The following MICAL3 variants were observed in gnomAD, a reference collection of about 807,000 sequenced individuals.
MICAL3 encodes microtubule associated monooxygenase, calponin and LIM domain containing 3, also known as [F-actin]-monooxygenase MICAL3.
In MICAL3, 62 loss-of-function variants were observed where a neutral mutation model predicts 207.4. That is an observed-to-expected ratio of 0.30 (90% CI 0.24 to 0.37). The LOEUF is 0.37. Among genes scored for constraint, MICAL3 ranks in the 10% least tolerant of loss-of-function variants. The probability of loss-of-function intolerance (pLI) is 1.00; values close to 1 mark genes in which losing one functional copy is unlikely to be tolerated. For synonymous variants in MICAL3, 1,077 were observed against 1,069.3 expected, an observed-to-expected ratio of 1.01 and a Z score of -0.14; for missense variants, 2,368 against 2,635.6, an observed-to-expected ratio of 0.90 and a Z score of 2.22.
At chr22:17,892,218 C>T (rs893785409) in intron 11 of MICAL3, among the ~76,000 whole-genome samples, 2 of 152,202 alleles carry the variant, frequency 1.3e-5, no homozygotes, top group Admixed American at 6.5e-5. Flanking sequence ...CAGAGCTTGG[C>T]ACCTTGTACT....
chr22:17,917,386 G>A (rs139074374), intron 1 of MICAL3, among the ~76,000 whole-genome samples: 254 of 152,136 alleles, frequency 1.7e-3, no homozygotes, highest in African/African-American at 5.5e-3. Flanking sequence ...CCTTGCCCCC[G>A]TCTGCATTTC....
intron 1 of MICAL3, among the ~76,000 whole-genome samples, chr22:17,929,781 T>C (rs574856893): frequency 6.6e-6 from 1 of 152,308 alleles, no homozygotes; most frequent in South Asian, 2.1e-4. Context: ...ATGCCCAGGC[T>C]GGTCTCGAAC....
chr22:17,877,357 TTATGGAGGTTAG>T (rs1928811453), intron 16 of MICAL3, among the ~76,000 whole-genome samples: 4 of 110,176 alleles, frequency 3.6e-5, no homozygotes, highest in Admixed American at 9.0e-5. Flanking sequence ...GTTAGGGAGG[TTATGGAGGTTAG>T]GGAGGTGAGG....
At chr22:17,864,569 G>A (rs1291277286) in intron 19 of MICAL3, 8 of 1,465,754 alleles carry the variant, frequency 5.5e-6, no homozygotes, top group Non-Finnish European at 7.2e-6. Flanking sequence ...ACCTACACAG[G>A]ACCTGGGCCG....
Position 17,886,009 on chromosome 22 carries a change from C to A in MICAL3, c.2110G>T (p.Val704Leu). ...RGHRGERPTL[V>L]STLTDRRMDV... is the part of the protein sequence containing the mutation. ...ATCCTCCTGTCTGTCAGAGTGCTCA[C>A]CAGGGTCGGTCTTTCTCCTCTGTGG... Residue 704 changes from valine (V) to leucine (L), a missense_variant, in exon 16 of 32, where the codon GTG (valine) becomes TTG (leucine). Val to Leu is a conservative substitution (Grantham distance 32). This residue lies in a region of MICAL3 where 1,770 missense variants were observed against 1,863.2 expected (regional missense o/e 0.95). Transcript: ENST00000441493. 1 of 1,614,068 alleles carries A rather than the reference C, an allele frequency of 6.2e-7. No homozygotes were observed. The highest frequency in any genetic ancestry group is 8.5e-7 in the Non-Finnish European group (1 of 1,179,916).
At chr22:17,979,880 G>A (rs576053933) in intron 1 of MICAL3, among the ~76,000 whole-genome samples, 29 of 152,176 alleles carry the variant, frequency 1.9e-4, no homozygotes, top group African/African-American at 6.5e-4. Flanking sequence ...ACCTAGGCCG[G>A]AGTACAGCAC....
At chr22:17,851,232 G>A (rs79149055) in intron 19 of MICAL3, among the ~76,000 whole-genome samples, 148 of 152,328 alleles carry the variant, frequency 9.7e-4, no homozygotes, top group African/African-American at 3.6e-3. Flanking sequence ...CAAGTAATCT[G>A]TCAAGTCAAT....
chr22:17,797,119 T>A (rs1381501090), intron 29 of MICAL3, among the ~76,000 whole-genome samples: 1 of 152,160 alleles, frequency 6.6e-6, no homozygotes, highest in Non-Finnish European at 1.5e-5. Flanking sequence ...CCTACCTTAG[T>A]CCTTCTGGTA....
At chr22:17,829,289 C>T (rs1271634754) in intron 21 of MICAL3, among the ~76,000 whole-genome samples, 2 of 152,094 alleles carry the variant, frequency 1.3e-5, no homozygotes, top group East Asian at 1.9e-4. Flanking sequence ...GCCTCAGCCT[C>T]CCAAGTAGCT....
chr22:17,951,484 G>A (rs372008381), intron 1 of MICAL3, among the ~76,000 whole-genome samples: 2 of 151,542 alleles, frequency 1.3e-5, no homozygotes, highest in South Asian at 2.1e-4. Flanking sequence ...CTGCTGTTCG[G>A]ATCTAGTATT....
chr22:17,882,074 C>T (rs576302088), intron 16 of MICAL3, among the ~76,000 whole-genome samples: 7 of 152,292 alleles, frequency 4.6e-5, no homozygotes, highest in African/African-American at 7.2e-5. Flanking sequence ...AGGGAAGCCA[C>T]GAGGTCTGGG....
chr22:17,938,559 T>C (rs543284775), intron 1 of MICAL3, among the ~76,000 whole-genome samples: 1 of 152,290 alleles, frequency 6.6e-6, no homozygotes, highest in East Asian at 1.9e-4. Context: ...GAGCTTAAAC[T>C]TGGCAGACCA....
At chr22:17,870,986 G>A (rs1408932571) in intron 17 of MICAL3, among the ~76,000 whole-genome samples, 1 of 152,110 alleles carries the variant, frequency 6.6e-6, no homozygotes, top group Non-Finnish European at 1.5e-5. Flanking sequence ...TAATCTCACA[G>A]TCACGCAATC....
chr22:17,864,030 G>C, intron 19 of MICAL3: 1 of 985,944 alleles, frequency 1.0e-6, no homozygotes, highest in Non-Finnish European at 1.2e-6. Context: ...AGCTGTATGT[G>C]GGACATTCAG....
At chr22:17,961,508 A>C (rs1934913343) in intron 1 of MICAL3, among the ~76,000 whole-genome samples, 1 of 148,890 alleles carries the variant, frequency 6.7e-6, no homozygotes, top group African/African-American at 2.5e-5. Context: ...TCTCACCCCC[A>C]TGGTCCTTCC....
intron 1 of MICAL3, among the ~76,000 whole-genome samples, chr22:17,971,933 GCT>G (rs1935430029): frequency 6.6e-6 from 1 of 152,234 alleles, no homozygotes; most frequent in Non-Finnish European, 1.5e-5. Context: ...CGGCCAGTGG[GCT>G]CAGGGCTCAG....
At position 17,906,264 on chromosome 22, in the gene MICAL3, C is replaced by G. The variant is rs146957203; in HGVS notation, c.264+285G>C. Among the ~76,000 whole-genome samples the G allele has an allele frequency of 7.8e-3, 1,185 of 152,268 alleles. 11 individuals carry two copies. The highest frequency in any genetic ancestry group is 0.013 in the Non-Finnish European group (884 of 68,012). On this transcript the variant is annotated intron_variant, in intron 2 of 31. Transcript: ENST00000441493. ...CAGGGTCTGGGTCATGCAAGTCAAA[C>G]AAAAAGAGGTTAGACATCCACAAAA...
At chr22:17,913,710 T>A (rs1484968513) in intron 1 of MICAL3, among the ~76,000 whole-genome samples, 1 of 152,162 alleles carries the variant, frequency 6.6e-6, no homozygotes, top group African/African-American at 2.4e-5. Context: ...CTTTTCTAAT[T>A]TTCATTTCTA....
intron 1 of MICAL3, among the ~76,000 whole-genome samples, chr22:18,016,674 C>T (rs1313374871): frequency 1.3e-5 from 2 of 152,194 alleles, no homozygotes; most frequent in Non-Finnish European, 2.9e-5. Context: ...GGTGCGGTGG[C>T]TCACGCCTGT....
Sources: gnomAD v4.1 joint callset for allele counts (sites outside exome capture counted in the v4.1 genomes callset) on GRCh38, gnomAD v4.1.1 for gene constraint, gnomAD v4.1.1 regional missense constraint, MANE v1.5 for transcripts, NCBI Gene and HGNC (gene_info 2026-07-23, HGNC 2026-07-21) for gene names.